The following ENTREP2 variants were observed in gnomAD, a reference collection of about 807,000 sequenced individuals.
The protein encoded by ENTREP2 is endosomal transmembrane epsin interactor 2.
At chr15:29,152,229 G>T in the ENTREP2 span, among the ~76,000 whole-genome samples, 22,652 of 152,142 alleles carry the variant, frequency 0.15, 3,114 homozygotes, top group African/African-American at 0.36. Flanking sequence ...ACATGCAATT[G>T]TAAGAAATCC....
chr15:29,407,534 C>T, the ENTREP2 span, among the ~76,000 whole-genome samples: 19 of 152,102 alleles, frequency 1.2e-4, no homozygotes, highest in Admixed American at 1.2e-3. Flanking sequence ...AGGAGAGAGG[C>T]GAAGGGGAGT....
At chr15:29,535,234 G>A in the ENTREP2 span, among the ~76,000 whole-genome samples, 3 of 152,020 alleles carry the variant, frequency 2.0e-5, no homozygotes, top group Non-Finnish European at 4.4e-5. Context: ...CTGGGCAACA[G>A]AGCAAGACAT....
chr15:29,365,734 G>C, the ENTREP2 span, among the ~76,000 whole-genome samples: 592 of 151,056 alleles, frequency 3.9e-3, 6 homozygotes, highest in African/African-American at 0.014. Flanking sequence ...TTAAAAGTCT[G>C]CAGAAAAAAA....
At chr15:29,635,859 C>T in the ENTREP2 span, among the ~76,000 whole-genome samples, 2 of 152,198 alleles carry the variant, frequency 1.3e-5, no homozygotes, top group Non-Finnish European at 2.9e-5. Flanking sequence ...AAAGATTTGT[C>T]TAAAATATTG....
the ENTREP2 span, among the ~76,000 whole-genome samples, chr15:29,343,452 C>T: frequency 6.6e-6 from 1 of 152,122 alleles, no homozygotes; most frequent in African/African-American, 2.4e-5. Flanking sequence ...CTGCAGAATT[C>T]AGACTCACAA....
the ENTREP2 span, among the ~76,000 whole-genome samples, chr15:29,381,497 C>T: frequency 2.0e-5 from 3 of 148,890 alleles, no homozygotes; most frequent in Admixed American, 6.7e-5. Flanking sequence ...GGTTCACGCT[C>T]GGTCCTTACA....
At chr15:29,351,927 C>T in the ENTREP2 span, among the ~76,000 whole-genome samples, 1 of 152,084 alleles carries the variant, frequency 6.6e-6, no homozygotes. Flanking sequence ...GCACGAGCCA[C>T]CACGTCCAAC....
the ENTREP2 span, chr15:29,268,376 AT>A: frequency 0.016 from 2,729 of 165,612 alleles, 74 homozygotes; most frequent in African/African-American, 0.06. Context: ...ATAGGCAATT[AT>A]TTTTTTTAAT....
the ENTREP2 span, among the ~76,000 whole-genome samples, chr15:29,505,211 CGT>C: frequency 2.0e-5 from 3 of 152,228 alleles, no homozygotes; most frequent in Non-Finnish European, 4.4e-5. The surrounding 1 kb of genome is among the most constrained non-coding windows in gnomAD (Gnocchi z 4.3). Flanking sequence ...CTAGGTTCCT[CGT>C]CTGTGGGCAA....
At chr15:29,446,553 G>A in the ENTREP2 span, among the ~76,000 whole-genome samples, 2 of 152,182 alleles carry the variant, frequency 1.3e-5, no homozygotes, top group Non-Finnish European at 2.9e-5. Context: ...GAGGAGCCTC[G>A]GTCCCCAGTG....
chr15:29,331,500 C>G, the ENTREP2 span, among the ~76,000 whole-genome samples: 1 of 152,140 alleles, frequency 6.6e-6, no homozygotes, highest in East Asian at 1.9e-4. Context: ...TTCATACCTC[C>G]AGAAATTGAC....
the ENTREP2 span, among the ~76,000 whole-genome samples, chr15:29,437,243 A>G: frequency 6.6e-6 from 1 of 152,236 alleles, no homozygotes; most frequent in Admixed American, 6.5e-5. Context: ...TGGACTATAA[A>G]GCTTTCCCTA....
chr15:29,335,969 A>C, the ENTREP2 span, among the ~76,000 whole-genome samples: 1 of 151,796 alleles, frequency 6.6e-6, no homozygotes. Flanking sequence ...GTGAAACCCC[A>C]TCTCTACTAA....
At chr15:29,409,996 T>C in the ENTREP2 span, among the ~76,000 whole-genome samples, 1 of 152,182 alleles carries the variant, frequency 6.6e-6, no homozygotes, top group African/African-American at 2.4e-5. Flanking sequence ...TGCTCAGCTA[T>C]CATCACGTCT....
At chr15:29,315,576 A>G in the ENTREP2 span, among the ~76,000 whole-genome samples, 11 of 152,316 alleles carry the variant, frequency 7.2e-5, no homozygotes, top group East Asian at 2.1e-3. Context: ...TTCCAAATAG[A>G]TTAGAAACTT....
chr15:29,135,144 A>G, the ENTREP2 span, among the ~76,000 whole-genome samples: 19 of 150,548 alleles, frequency 1.3e-4, no homozygotes, highest in East Asian at 3.3e-3. This position sits in a 1 kb window ranked among gnomAD's most constrained non-coding sequence, Gnocchi z 7.4. Context: ...TGAATCTGCA[A>G]GTCTCCCCTG....
chr15:29,297,401 G>A, the ENTREP2 span, among the ~76,000 whole-genome samples: 22,831 of 152,094 alleles, frequency 0.15, 2,296 homozygotes, highest in African/African-American at 0.28. Flanking sequence ...GCCACTTCTA[G>A]AGGATGCTCA....
the ENTREP2 span, among the ~76,000 whole-genome samples, chr15:29,370,956 A>T: frequency 2.0e-5 from 3 of 152,156 alleles, no homozygotes; most frequent in African/African-American, 7.2e-5. Context: ...GTGAAAATAC[A>T]TATTCTTTAT....
chr15:29,403,565 A>C, the ENTREP2 span, among the ~76,000 whole-genome samples: 1 of 152,338 alleles, frequency 6.6e-6, no homozygotes, highest in Admixed American at 6.5e-5. Flanking sequence ...ATCCACTGGA[A>C]CTATACAATA....
Sources: gnomAD v4.1 joint callset for allele counts (sites outside exome capture counted in the v4.1 genomes callset) on GRCh38, gnomAD v4.1.1 for gene constraint, Gnocchi (gnomAD v3.1) non-coding constraint, MANE v1.5 for transcripts, NCBI Gene and HGNC (gene_info 2026-07-23, HGNC 2026-07-21) for gene names.